Variants in CDH18 observed in about 807,000 individuals in gnomAD.
CDH18 encodes cadherin 18.
A neutral mutation model predicts 67.9 loss-of-function variants in CDH18; 31 were observed. The ratio of observed to expected loss-of-function variants is 0.46; its 90% CI spans 0.34 to 0.62. The LOEUF (loss-of-function observed/expected upper bound fraction) is 0.62. Among genes scored for constraint, CDH18 ranks in the 20% least tolerant of loss-of-function variants. The probability of loss-of-function intolerance (pLI) is 0.01; values close to 1 mark genes in which losing one functional copy is unlikely to be tolerated. For synonymous variants in CDH18, 362 were observed against 347.2 expected (o/e 1.04, Z -0.48); for missense variants, 890 against 975.5 (o/e 0.91, Z 1.17).
At chr5:20,430,003 C>T (rs571160854) in intron 1 of CDH18, among the ~76,000 whole-genome samples, 217 of 152,086 alleles carry the variant, frequency 1.4e-3, no homozygotes, top group African/African-American at 5.1e-3. Flanking sequence ...TCTTCATTTC[C>T]CACCAAATTT....
intron 5 of CDH18, among the ~76,000 whole-genome samples, chr5:19,672,126 T>C (rs772983103): frequency 1.6e-4 from 25 of 152,148 alleles, no homozygotes; most frequent in Non-Finnish European, 3.2e-4. Flanking sequence ...AAAGCCACTG[T>C]AGAATCCAAT....
At chr5:19,576,640 T>G (rs1742355648) in intron 7 of CDH18, among the ~76,000 whole-genome samples, 1 of 152,080 alleles carries the variant, frequency 6.6e-6, no homozygotes. Context: ...AGGACTGTGG[T>G]TTTGTAAATT....
intron 1 of CDH18, among the ~76,000 whole-genome samples, chr5:20,355,007 G>A (rs951515314): frequency 4.6e-5 from 7 of 152,092 alleles, no homozygotes; most frequent in Admixed American, 6.6e-5. Context: ...TCTTCCAAAG[G>A]GTACCTGCCT....
At chr5:19,881,647 C>G (rs1260326816) in intron 2 of CDH18, among the ~76,000 whole-genome samples, 1 of 151,662 alleles carries the variant, frequency 6.6e-6, no homozygotes, top group Non-Finnish European at 1.5e-5. Context: ...TACCTGATTA[C>G]AGGCATGCAC....
intron 1 of CDH18, among the ~76,000 whole-genome samples, chr5:20,328,715 T>A (rs1738863923): frequency 6.6e-6 from 1 of 152,104 alleles, no homozygotes; most frequent in Non-Finnish European, 1.5e-5. Context: ...CCATACCGGG[T>A]CAGGCATGGT....
At chr5:20,295,963 C>T (rs1386265000) in intron 1 of CDH18, among the ~76,000 whole-genome samples, 1 of 148,074 alleles carries the variant, frequency 6.8e-6, no homozygotes, top group African/African-American at 2.5e-5. Context: ...CCTCTGTCTC[C>T]CGGGTTCAAA....
At chr5:20,488,179 G>C (rs1296593994) in intron 1 of CDH18, among the ~76,000 whole-genome samples, 1 of 151,980 alleles carries the variant, frequency 6.6e-6, no homozygotes, top group Non-Finnish European at 1.5e-5. Context: ...TATATAATTG[G>C]AAATCTAAAG....
At chr5:19,544,162 A>G (rs1044580538) in intron 8 of CDH18, among the ~76,000 whole-genome samples, 157 bp from the exon 9 acceptor site, 1 of 152,180 alleles carries the variant, frequency 6.6e-6, no homozygotes, top group Admixed American at 6.5e-5. Context: ...TAGAACTTAT[A>G]TCAATTATTC....
At position 19,554,550 on chromosome 5, in the gene CDH18, C is replaced by CA. The variant is rs879741204; in HGVS notation, c.1254-10546dup. 9.2e-3 allele frequency among the ~76,000 whole-genome samples: 1,211 copies of CA among 131,384 alleles called. 7 individuals carry two copies. Among genetic ancestry groups the CA allele is most frequent in the Admixed American group, 0.011 (149 of 13,046 alleles). The allele number at this position is 131,384 out of a possible 152,430, so 86.2% of individuals were successfully genotyped here. On this transcript the variant is annotated intron_variant, in intron 8 of 12. Transcript: ENST00000382275. The stretch of plus-strand genomic sequence containing the variant: ...GGGCAAGAAGAGCATAACTTCATCT[C>CA]AAAAAAAAAAACAATTTTTTTTTTT...
chr5:20,333,520 A>AT (rs1561980190), intron 1 of CDH18, among the ~76,000 whole-genome samples: 22 of 115,736 alleles, frequency 1.9e-4, no homozygotes, highest in East Asian at 6.4e-4. Flanking sequence ...AAAAAAAAAC[A>AT]ATATATATAC....
At chr5:20,361,258 T>C (rs576787878) in intron 1 of CDH18, among the ~76,000 whole-genome samples, 4 of 152,104 alleles carry the variant, frequency 2.6e-5, no homozygotes, top group African/African-American at 9.6e-5. Context: ...TATGTGCTAA[T>C]ATAACATAGA....
intron 1 of CDH18, among the ~76,000 whole-genome samples, chr5:20,395,787 T>C (rs143864964): frequency 6.6e-5 from 10 of 152,110 alleles, no homozygotes; most frequent in Non-Finnish European, 1.2e-4. Flanking sequence ...GATTAGAGCA[T>C]TGGAATTTTC....
chr5:19,841,489 G>A (rs933193892), intron 2 of CDH18, among the ~76,000 whole-genome samples: 1 of 150,416 alleles, frequency 6.6e-6, no homozygotes, highest in African/African-American at 2.4e-5. Context: ...ATTCTTTCCA[G>A]CATTTGTAAT....
At chr5:20,471,112 C>T (rs1251974022) in intron 1 of CDH18, among the ~76,000 whole-genome samples, 1 of 152,150 alleles carries the variant, frequency 6.6e-6, no homozygotes, top group Non-Finnish European at 1.5e-5. Flanking sequence ...TTCTCCTGTA[C>T]TCTATTGAAT....
At chr5:20,034,537 G>A (rs1162030467) in intron 2 of CDH18, among the ~76,000 whole-genome samples, 4 of 152,006 alleles carry the variant, frequency 2.6e-5, no homozygotes, top group African/African-American at 9.7e-5. Context: ...ACTGTGTAAA[G>A]CAGATTGCCT....
chr5:20,075,146 T>C (rs1743814329), intron 2 of CDH18, among the ~76,000 whole-genome samples: 2 of 152,308 alleles, frequency 1.3e-5, no homozygotes, highest in East Asian at 1.9e-4. Context: ...AGAAGACTTA[T>C]ATGTAACAGA....
chr5:19,591,053 T>C lies in CDH18; in HGVS notation c.999+4A>G. The stretch of plus-strand genomic sequence containing the variant: ...CTGAATCACAAAAAGTATGTTCTTT[T>C]TACCTTCTTTAAAGAAAGGATTCCT... On this transcript the variant is annotated splice_donor_region_variant and intron_variant, in intron 7 of 12. Coordinates refer to ENST00000382275, the MANE Select transcript of CDH18 (RefSeq NM_004934.5). 6.4e-7 allele frequency: 1 copy of C among 1,554,218 alleles called. No individual in the cohort carries two copies. The highest frequency in any genetic ancestry group is 8.7e-7 in the Non-Finnish European group (1 of 1,147,496).
At chr5:20,247,440 T>A (rs2940457) in intron 2 of CDH18, among the ~76,000 whole-genome samples, 82,099 of 151,898 alleles carry the variant, frequency 0.54, 22,264 homozygotes, top group Middle Eastern at 0.66. Context: ...GACAGCAGAC[T>A]AGGTAAGATG....
Position 19,923,255 on chromosome 5 carries a change from CA to C in CDH18, c.-257+57804del, listed in dbSNP as rs570143229. ...TGATGAAGCCTCCAGATGATTTCAG[CA>C]GCCAACCAATTAGACAACCCTGAGA... On this transcript the variant is annotated intron_variant, in intron 2 of 12. Transcript: ENST00000382275. Among the ~76,000 whole-genome samples the C allele has an allele frequency of 9.2e-5, 14 of 152,244 alleles. No homozygotes were observed. In the East Asian group the frequency reaches 1.9e-3, roughly 21 times the overall value.
Sources: allele counts gnomAD v4.1 joint callset (sites outside exome capture counted in the v4.1 genomes callset), GRCh38; gene constraint gnomAD v4.1.1; transcripts MANE v1.5; gene names NCBI Gene and HGNC (gene_info 2026-07-23, HGNC 2026-07-21).